GMDS: variants seen among roughly 807,000 people sequenced by gnomAD.
GMDS encodes GDP-mannose 4,6 dehydratase.
In GMDS, 20 loss-of-function variants were observed where a neutral mutation model predicts 49.9. The observed-to-expected ratio is 0.40, with a 90% CI of 0.28 to 0.58. The LOEUF (loss-of-function observed/expected upper bound fraction) is 0.58. Among genes scored for constraint, GMDS ranks in the 20% least tolerant of loss-of-function variants. The pLI, the probability that GMDS is intolerant of heterozygous loss-of-function variation, is 0.42. For missense variants in GMDS, 362 were observed against 481.4 expected, an observed-to-expected ratio of 0.75 and a Z score of 2.32; for synonymous variants, 177 against 178.6, an observed-to-expected ratio of 0.99 and a Z score of 0.07.
At chr6:2,219,147 G>C (rs558776873) in intron 1 of GMDS, among the ~76,000 whole-genome samples, 1 of 152,150 alleles carries the variant, frequency 6.6e-6, no homozygotes, top group African/African-American at 2.4e-5. Context: ...TCTGAGAAGA[G>C]GAAATGGGGA....
chr6:1,825,282 C>T (rs1771061350), intron 7 of GMDS, among the ~76,000 whole-genome samples: 1 of 152,136 alleles, frequency 6.6e-6, no homozygotes, highest in African/African-American at 2.4e-5. Flanking sequence ...TCATTGGATA[C>T]AGAAAACATA....
chr6:2,076,378 A>G (rs1046490097), intron 4 of GMDS, among the ~76,000 whole-genome samples: 1 of 151,236 alleles, frequency 6.6e-6, no homozygotes, highest in Non-Finnish European at 1.5e-5. Flanking sequence ...CAAGCTACCA[A>G]TGACTTTCTT....
At position 2,115,740 on chromosome 6, in the gene GMDS, C is replaced by T. The variant is rs141175637; in HGVS notation, c.345+31G>A. The T allele has an allele frequency of 1.4e-4, 156 of 1,126,744 alleles. 1 individual carries two copies. In the East Asian group the frequency reaches 2.7e-3, roughly 20 times the overall value. 69.8% of individuals were successfully genotyped at this position (1,126,744 alleles called of 1,614,324 possible). On this transcript the variant is annotated intron_variant, in intron 4 of 10. Coordinates refer to ENST00000380815, the MANE Select transcript of GMDS (RefSeq NM_001500.4). ...TAAAATACAGAACGCCACAGAAACA[C>T]GGCCAGAGAAATCCCAATGAAAATG...
intron 4 of GMDS, among the ~76,000 whole-genome samples, chr6:2,069,479 C>T (rs896405465): frequency 1.3e-5 from 2 of 151,796 alleles, no homozygotes; most frequent in African/African-American, 4.8e-5. Flanking sequence ...AGTGAACAGG[C>T]AACCTACAGA....
At chr6:2,102,289 AT>A (rs1338059549) in intron 4 of GMDS, among the ~76,000 whole-genome samples, 74 of 152,294 alleles carry the variant, frequency 4.9e-4, no homozygotes, top group African/African-American at 1.6e-3. Context: ...ATTGAAAAAA[AT>A]GTTATTAATT....
intron 9 of GMDS, among the ~76,000 whole-genome samples, chr6:1,639,978 G>A (rs544865926): frequency 4.7e-4 from 72 of 152,320 alleles, no homozygotes; most frequent in African/African-American, 1.4e-3. Flanking sequence ...TAGGTTCCAT[G>A]ATGTATAAGC....
chr6:2,212,707 TAAA>T (rs35503764), intron 1 of GMDS, among the ~76,000 whole-genome samples: 1,402 of 113,560 alleles, frequency 0.012, 22 homozygotes, highest in African/African-American at 0.035. Context: ...GATTAACTTG[TAAA>T]AAAAAAAAAA....
intron 7 of GMDS, among the ~76,000 whole-genome samples, chr6:1,761,876 T>C (rs891981081): frequency 2.6e-5 from 4 of 152,102 alleles, no homozygotes; most frequent in Admixed American, 6.5e-5. Context: ...TACTCCATAA[T>C]TGGTGAAATT....
chr6:1,952,877 T>C (rs1409161986), intron 6 of GMDS, among the ~76,000 whole-genome samples: 1 of 152,134 alleles, frequency 6.6e-6, no homozygotes, highest in African/African-American at 2.4e-5. Flanking sequence ...ACGTGATTTC[T>C]TACTCAGGCT....
chr6:1,667,855 T>C (rs1764284414), intron 9 of GMDS, among the ~76,000 whole-genome samples: 1 of 152,142 alleles, frequency 6.6e-6, no homozygotes. Context: ...AATTGGACAT[T>C]TTAAGAGGAA....
intron 8 of GMDS, among the ~76,000 whole-genome samples, 189 bp downstream of exon 8, chr6:1,742,279 A>G (rs12200248): frequency 0.43 from 64,710 of 151,708 alleles, 14,375 homozygotes; most frequent in East Asian, 0.65. Context: ...GATGCTGACC[A>G]ACATCTGACA....
chr6:2,160,597 A>G (rs4959643), intron 1 of GMDS, among the ~76,000 whole-genome samples: 23,802 of 152,188 alleles, frequency 0.16, 4,240 homozygotes, highest in African/African-American at 0.43. Flanking sequence ...GCTGCAGTGT[A>G]GTGGTGCCAT....
At chr6:2,093,887 C>T (rs1284090411) in intron 4 of GMDS, among the ~76,000 whole-genome samples, 1 of 151,948 alleles carries the variant, frequency 6.6e-6, no homozygotes, top group African/African-American at 2.4e-5. Flanking sequence ...ATTAAAATTT[C>T]ATTTGAAATT....
At chr6:1,985,118 A>G (rs978270869) in intron 4 of GMDS, among the ~76,000 whole-genome samples, 9 of 152,182 alleles carry the variant, frequency 5.9e-5, no homozygotes, top group Non-Finnish European at 1.2e-4. Context: ...TATTTAACAT[A>G]AAGTTAAGTG....
chr6:1,897,536 C>T (rs1313416603), intron 7 of GMDS, among the ~76,000 whole-genome samples: 1 of 151,948 alleles, frequency 6.6e-6, no homozygotes, highest in Non-Finnish European at 1.5e-5. Context: ...AGCTTTGGGA[C>T]CTGGACAAAT....
intron 4 of GMDS, among the ~76,000 whole-genome samples, chr6:2,054,622 A>G (rs1024262592): frequency 4.6e-5 from 7 of 152,272 alleles, no homozygotes; most frequent in African/African-American, 1.7e-4. Context: ...AATTCTGTGT[A>G]TAAACTCTGC....
intron 4 of GMDS, among the ~76,000 whole-genome samples, chr6:2,024,084 G>T (rs1016421082): frequency 3.3e-5 from 5 of 152,032 alleles, no homozygotes; most frequent in African/African-American, 1.2e-4. Flanking sequence ...AAATTGAGGA[G>T]AAAAGAATCT....
chr6:2,086,526 T>C (rs1773024740), intron 4 of GMDS, among the ~76,000 whole-genome samples: 4 of 152,216 alleles, frequency 2.6e-5, no homozygotes, highest in African/African-American at 9.6e-5. Context: ...ACCAGCATGC[T>C]GCTGCTCCTC....
At chr6:2,147,648 C>T (rs996284156) in intron 1 of GMDS, among the ~76,000 whole-genome samples, 1 of 151,660 alleles carries the variant, frequency 6.6e-6, no homozygotes, top group Non-Finnish European at 1.5e-5. Flanking sequence ...CTCCCCTCTC[C>T]ACATACATGC....
Sources: allele counts gnomAD v4.1 joint callset (sites outside exome capture counted in the v4.1 genomes callset), GRCh38; gene constraint gnomAD v4.1.1; transcripts MANE v1.5; gene names NCBI Gene and HGNC (gene_info 2026-07-23, HGNC 2026-07-21).